Variants in CHSY3 observed in about 807,000 individuals in gnomAD.
CHSY3 encodes chondroitin sulfate synthase 3.
A neutral mutation model predicts 67.2 loss-of-function variants in CHSY3; 35 were observed. That is an observed-to-expected ratio of 0.52 (90% CI 0.40 to 0.69). The LOEUF is 0.69. Ranked by LOEUF, CHSY3 falls within the 30% of genes least tolerant of loss-of-function variation. The pLI is 0.00. For synonymous variants in CHSY3, 474 were observed against 434.7 expected (o/e 1.09, Z -1.12); for missense variants, 1,069 against 1,138.5 (o/e 0.94, Z 0.88).
intron 2 of CHSY3, among the ~76,000 whole-genome samples, chr5:130,122,669 C>T (rs1768081098): frequency 6.6e-6 from 1 of 152,102 alleles, no homozygotes; most frequent in Non-Finnish European, 1.5e-5. Context: ...ATGGCATTTC[C>T]AAAATGAAAG....
chr5:130,165,908 T>C (rs1350741210), intron 2 of CHSY3, among the ~76,000 whole-genome samples: 1 of 152,110 alleles, frequency 6.6e-6, no homozygotes, highest in Non-Finnish European at 1.5e-5. Flanking sequence ...ATACAATATA[T>C]AAAGAATTGG....
chr5:130,015,643 T>G (rs184860617), intron 2 of CHSY3, among the ~76,000 whole-genome samples: 192 of 152,306 alleles, frequency 1.3e-3, no homozygotes, highest in African/African-American at 4.5e-3. Flanking sequence ...CTGGAGGGAA[T>G]GTAAATTAGT....
chr5:129,948,518 A>T (rs1382453284), intron 2 of CHSY3, among the ~76,000 whole-genome samples: 1 of 152,136 alleles, frequency 6.6e-6, no homozygotes, highest in Non-Finnish European at 1.5e-5. Context: ...ATGCCATTGT[A>T]TTGTTCTTTT....
chr5:130,121,077 T>C (rs1163963059), intron 2 of CHSY3, among the ~76,000 whole-genome samples: 2 of 152,228 alleles, frequency 1.3e-5, no homozygotes, highest in Non-Finnish European at 2.9e-5. Flanking sequence ...TTTCCTGTGA[T>C]AGACTGTAAA....
chr5:129,980,644 C>A (rs2149621904), intron 2 of CHSY3, among the ~76,000 whole-genome samples: 1 of 152,284 alleles, frequency 6.6e-6, no homozygotes, highest in Admixed American at 6.5e-5. Context: ...TATCAATGAT[C>A]TCTTTTATTG....
intron 2 of CHSY3, among the ~76,000 whole-genome samples, chr5:130,137,401 A>G (rs1768699944): frequency 2.0e-5 from 3 of 151,928 alleles, no homozygotes; most frequent in Admixed American, 2.0e-4. Flanking sequence ...ATATTCGAAT[A>G]TTTTCAGTAT....
At chr5:130,020,448 TATA>T (rs1764345843) in intron 2 of CHSY3, among the ~76,000 whole-genome samples, 1 of 9,574 alleles carries the variant, frequency 1.0e-4, no homozygotes, top group African/African-American at 3.8e-4. Flanking sequence ...TATATATATA[TATA>T]TATATATATA....
At chr5:130,137,826 C>G (rs1054255926) in intron 2 of CHSY3, among the ~76,000 whole-genome samples, 1 of 152,152 alleles carries the variant, frequency 6.6e-6, no homozygotes, top group African/African-American at 2.4e-5. Flanking sequence ...GCAACTGTAA[C>G]GTCTGGAGGG....
intron 2 of CHSY3, among the ~76,000 whole-genome samples, chr5:130,170,915 G>A (rs1561568641): frequency 6.6e-6 from 1 of 151,674 alleles, no homozygotes; most frequent in Non-Finnish European, 1.5e-5. Flanking sequence ...GTTTGGAAAT[G>A]ATAACTTCCC....
chr5:130,055,104 T>A (rs1765487492), intron 2 of CHSY3, among the ~76,000 whole-genome samples: 1 of 152,116 alleles, frequency 6.6e-6, no homozygotes. Context: ...TGTCTTCTGA[T>A]ACGTATAGGG....
chr5:130,123,873 C>T lies in CHSY3; in HGVS notation c.1087-60356C>T, dbSNP rs770354153. Among the ~76,000 whole-genome samples, 11 of 151,584 alleles carry T rather than the reference C, an allele frequency of 7.3e-5. No individual in the cohort carries two copies. The South Asian group carries it at 1.0e-3, about 14-fold the overall frequency. On this transcript the variant is annotated intron_variant, in intron 2 of 2. Transcript: ENST00000305031. The stretch of plus-strand genomic sequence containing the variant: ...GAGATCAAGACCATCCTGGCTAACT[C>T]GGTGAAACCCCATCTCTACTAAAAA...
intron 2 of CHSY3, among the ~76,000 whole-genome samples, chr5:129,982,623 C>G (rs1399627366): frequency 1.3e-5 from 2 of 151,908 alleles, no homozygotes; most frequent in African/African-American, 4.8e-5. Flanking sequence ...TTTCATTCAG[C>G]TTTCCTAATA....
intron 2 of CHSY3, among the ~76,000 whole-genome samples, chr5:130,113,936 C>G (rs1386657728): frequency 6.6e-6 from 1 of 152,092 alleles, no homozygotes; most frequent in Non-Finnish European, 1.5e-5. Context: ...TCATTGCCAC[C>G]ATGAGAACTA....
At chr5:129,957,268 A>AT (rs924256587) in intron 2 of CHSY3, among the ~76,000 whole-genome samples, 17 of 151,610 alleles carry the variant, frequency 1.1e-4, no homozygotes, top group Middle Eastern at 3.4e-3. Flanking sequence ...TCTCAGCTTG[A>AT]TTTTTTTTGG....
intron 2 of CHSY3, among the ~76,000 whole-genome samples, chr5:129,926,919 T>A (rs1761134372): frequency 6.6e-6 from 1 of 151,952 alleles, no homozygotes; most frequent in Non-Finnish European, 1.5e-5. Context: ...AATTTTAAAT[T>A]TATTGAAATT....
At chr5:129,906,048 GGAGGATGCTAGCTACAACTA>G (rs1334759069) in intron 1 of CHSY3, 5 of 184,170 alleles carry the variant, frequency 2.7e-5, no homozygotes, top group African/African-American at 1.2e-4. Flanking sequence ...AAGGGAAGAC[GGAGGATGCTAGCTACAACTA>G]GTCTGGAGAT....
In CHSY3 at chr5:130,160,140, TTGAG is replaced by T. The variant is rs368781459; in HGVS notation, c.1087-24087_1087-24084del. On this transcript the variant is annotated intron_variant, in intron 2 of 2. Transcript: ENST00000305031. ...AGTTTGGATCTAAATCTGGAGCAGA[TTGAG>T]TATTTGCATTCTATTTTTATTCATA... Among the ~76,000 whole-genome samples the T allele has an allele frequency of 2.0e-3, 312 of 152,316 alleles. 2 individuals are homozygous for T. Among genetic ancestry groups the T allele is most frequent in the African/African-American group, 7.2e-3 (298 of 41,582 alleles).
At chr5:130,086,887 T>C (rs921832575) in intron 2 of CHSY3, among the ~76,000 whole-genome samples, 6 of 152,062 alleles carry the variant, frequency 3.9e-5, no homozygotes, top group East Asian at 1.9e-4. Context: ...ATCATCCTGA[T>C]ACCAAAGCCT....
At chr5:130,085,380 C>G (rs1482980540) in intron 2 of CHSY3, among the ~76,000 whole-genome samples, 2 of 151,904 alleles carry the variant, frequency 1.3e-5, no homozygotes, top group African/African-American at 4.8e-5. Flanking sequence ...AAAAAATAGT[C>G]TATAATTATG....
Sources: gnomAD v4.1 joint callset for allele counts (sites outside exome capture counted in the v4.1 genomes callset) on GRCh38, gnomAD v4.1.1 for gene constraint, MANE v1.5 for transcripts, NCBI Gene and HGNC (gene_info 2026-07-23, HGNC 2026-07-21) for gene names.